Variants in EXOSC2 observed in about 807,000 individuals in gnomAD.
The protein encoded by EXOSC2 is exosome component 2, also known as exosome complex component RRP4.
EXOSC2 carries 29 observed loss-of-function variants against 37.6 expected under a neutral mutation model. The observed-to-expected ratio is 0.77, with a 90% CI of 0.57 to 1.05. EXOSC2 has a LOEUF of 1.05. EXOSC2 is among the 50% of genes least tolerant of loss of function. The probability of loss-of-function intolerance (pLI) is 0.00; values close to 1 mark genes in which losing one functional copy is unlikely to be tolerated. For synonymous variants in EXOSC2, 119 were observed against 131.1 expected (o/e 0.91, Z 0.63); for missense variants, 346 against 365.6 (o/e 0.95, Z 0.44).
intron 1 of EXOSC2, 120 bp from the exon 2 acceptor site, chr9:130,695,372 A>T: frequency 1.2e-6 from 1 of 822,920 alleles, no homozygotes; most frequent in Non-Finnish European, 2.1e-6. Flanking sequence ...AGCAGCCAGC[A>T]CAGAAGCCAC....
rs749809807 is a variant in EXOSC2 at position 130,702,237 on chromosome 9, A to G, written c.599A>G (p.Asn200Ser). 1.9e-6 allele frequency: 3 copies of G among 1,614,124 alleles called. No homozygotes were observed. The highest frequency in any genetic ancestry group is 2.5e-6 in the Non-Finnish European group (3 of 1,180,022). Reference sequence around the variant, plus strand: ...GGTGCCTCAGTGATTCTCGGTAACAACGGCTTCATCTGGATTTACCCAACA... The same window carrying G: ...GGTGCCTCAGTGATTCTCGGTAACAGCGGCTTCATCTGGATTTACCCAACA... ...PCGASVILGNNGFIWIYPTPE... is the reference protein window; with the variant it reads ...PCGASVILGNSGFIWIYPTPE... Residue 200 changes from asparagine to serine, a missense_variant, in exon 7 of 9, where the codon AAC becomes AGC. Physicochemically the swap from Asn to Ser is conservative, Grantham distance 46. Coordinates refer to ENST00000372358, the MANE Select transcript of EXOSC2 (RefSeq NM_014285.7).
chr9:130,704,286 TAGGG>T lies in EXOSC2; in HGVS notation c.*516_*519del, dbSNP rs1449870707. ...GGCTCACGCCTATAATCCCAGCACTTAGGGAGGCCAAGGCGGGCAGATCACCTGA... is the reference window on the plus strand; with the variant it reads ...GGCTCACGCCTATAATCCCAGCACTTAGGCCAAGGCGGGCAGATCACCTGA... On this transcript the variant is annotated 3_prime_UTR_variant, in exon 9 of 9. Coordinates refer to ENST00000372358, the MANE Select transcript of EXOSC2 (RefSeq NM_014285.7). 6.6e-6 allele frequency: 1 copy of T among 152,206 alleles called. No individual in the cohort carries two copies. Among genetic ancestry groups the T allele is most frequent in the Non-Finnish European group, 1.5e-5 (1 of 68,108 alleles). The allele number at this position is 152,206 out of a possible 1,614,324, so 9.4% of individuals were successfully genotyped here.
intron 2 of EXOSC2, among the ~76,000 whole-genome samples, chr9:130,696,423 G>A (rs780172022): frequency 5.3e-5 from 8 of 152,110 alleles, no homozygotes; most frequent in Non-Finnish European, 7.4e-5. Context: ...GAGCAGAGGA[G>A]GGACTTGATC....
intron 6 of EXOSC2, 31 bp from the exon 7 acceptor site, chr9:130,702,103 A>G (rs1831228476): frequency 6.2e-7 from 1 of 1,604,870 alleles, no homozygotes; most frequent in Admixed American, 1.7e-5. Context: ...CCAATCTTGC[A>G]GTGACCTAGC....
chr9:130,699,267 G>T, intron 4 of EXOSC2, 62 bp from the exon 5 acceptor site: 8 of 1,521,812 alleles, frequency 5.3e-6, no homozygotes, highest in Non-Finnish European at 7.3e-6. Context: ...AAGTGAAAGA[G>T]AAGTGATGGA....
Position 130,701,653 on chromosome 9 carries a change from G to A in EXOSC2, c.496-481G>A, listed in dbSNP as rs563113754. ...CCTGCGGACTCTTCCTTGGCAGGAC[G>A]TGGACTTGAGCTGTCCTGCCAGGAC... On this transcript the variant is annotated intron_variant, in intron 6 of 8. Coordinates refer to ENST00000372358, the MANE Select transcript of EXOSC2 (RefSeq NM_014285.7). 16 of 970,960 alleles carry A rather than the reference G, an allele frequency of 1.6e-5. No individual in the cohort carries two copies. The African/African-American group carries it at 2.5e-4, about 15-fold the overall frequency. 60.1% of individuals were successfully genotyped at this position (970,960 alleles called of 1,614,324 possible).
At chr9:130,700,520 C>T (rs1831193121) in intron 5 of EXOSC2, among the ~76,000 whole-genome samples, 1 of 150,288 alleles carries the variant, frequency 6.7e-6, no homozygotes, top group African/African-American at 2.5e-5. Context: ...CCACTATGCC[C>T]GACTAATTTT....
Position 130,701,725 on chromosome 9 carries a change from G to A in EXOSC2, c.496-409G>A, listed in dbSNP as rs898229551. The A allele has an allele frequency of 3.6e-6, 3 of 835,022 alleles. No individual in the cohort carries two copies. The African/African-American group carries it at 5.5e-5, about 15-fold the overall frequency. 51.7% of individuals were successfully genotyped at this position (835,022 alleles called of 1,614,324 possible). A position where few individuals can be genotyped will look rare whatever the true frequency, so the allele number is the denominator to read the frequency against. ...CTCCACCCATCTCCTTACCTACCCAGAGGCACACATCTCACAGGCAAGATG... is the reference window on the plus strand; with the variant it reads ...CTCCACCCATCTCCTTACCTACCCAAAGGCACACATCTCACAGGCAAGATG... On this transcript the variant is annotated intron_variant, in intron 6 of 8. Transcript: ENST00000372358.
chr9:130,693,821 T>C lies in EXOSC2; in HGVS notation c.30T>C (p.Ala10=), dbSNP rs758468229. Reference sequence around the variant, plus strand: ...CGATGGAGATGAGGCTTCCAGTGGCTCGCAAGCCTCTTAGCGAGAGACTGG... The same window carrying C: ...CGATGGAGATGAGGCTTCCAGTGGCCCGCAAGCCTCTTAGCGAGAGACTGG... MAMEMRLPV[A]RKPLSERLGR... is the part of the protein sequence containing the mutation. The change falls in exon 1 of 9, where the codon GCT becomes GCC. Residue 10 remains alanine (A), a synonymous_variant. Transcript: ENST00000372358. 4 of 1,608,314 alleles carry C rather than the reference T, an allele frequency of 2.5e-6. No homozygotes were observed. In the South Asian group the frequency reaches 4.4e-5, roughly 18 times the overall value.
At chr9:130,697,114 C>T (rs1455524990) in intron 2 of EXOSC2, among the ~76,000 whole-genome samples, 1 of 152,134 alleles carries the variant, frequency 6.6e-6, no homozygotes, top group Non-Finnish European at 1.5e-5. Flanking sequence ...GACTTAGCCT[C>T]AGCACTGAGT....
intron 5 of EXOSC2, among the ~76,000 whole-genome samples, chr9:130,699,977 A>T (rs1424464425): frequency 2.6e-5 from 4 of 152,190 alleles, no homozygotes; most frequent in Admixed American, 6.5e-5. Context: ...ACTGCATTCC[A>T]GCTTGGGTGA....
In EXOSC2 at chr9:130,698,491, CAG is replaced by C. The variant is rs1216293695; in HGVS notation, c.360+245_360+246del. ...AAACATCCATGGGGTGGGATCCCAA[CAG>C]AGAGTTGGGGAGAGAAGCCCTTAGA... On this transcript the variant is annotated intron_variant, in intron 4 of 8. Coordinates refer to ENST00000372358, the MANE Select transcript of EXOSC2 (RefSeq NM_014285.7). The surrounding 1 kb of genome is among the most constrained non-coding windows in gnomAD (Gnocchi z 4.1). 8.5e-5 allele frequency among the ~76,000 whole-genome samples: 13 copies of C among 152,238 alleles called. No individual in the cohort carries two copies. The highest frequency in any genetic ancestry group is 1.6e-4 in the Non-Finnish European group (11 of 68,036).
At position 130,698,127 on chromosome 9, in the gene EXOSC2, G is replaced by A. The variant is rs777280415; in HGVS notation, c.271-35G>A. On this transcript the variant is annotated intron_variant, in intron 3 of 8. Coordinates refer to ENST00000372358, the MANE Select transcript of EXOSC2 (RefSeq NM_014285.7). This position sits in a 1 kb window ranked among gnomAD's most constrained non-coding sequence, Gnocchi z 4.1. ...TATTTATGATATGACACATGAACAT[G>A]GAGCATGTGTCCAGGTGTGGAACTT... 14 of 1,567,786 alleles carry A rather than the reference G, an allele frequency of 8.9e-6. No individual in the cohort carries two copies. In the Middle Eastern group the frequency reaches 6.7e-4, roughly 75 times the overall value.
chr9:130,703,193 A>T lies in EXOSC2; in HGVS notation c.801+12A>T. ...CCCTTCCACATCAGGTACTCTCCCC[A>T]GGGCCTCTCCCTTCTTCACTGATCT... On this transcript the variant is annotated intron_variant, in intron 8 of 8. Coordinates refer to ENST00000372358, the MANE Select transcript of EXOSC2 (RefSeq NM_014285.7). 6.2e-7 allele frequency: 1 copy of T among 1,603,080 alleles called. No homozygotes were observed. Among genetic ancestry groups the T allele is most frequent in the Non-Finnish European group, 8.5e-7 (1 of 1,172,360 alleles).
rs148687193 is a variant in EXOSC2, at chr9:130,702,293, T to C, written c.655T>C (p.Phe219Leu). ...PEHKEEEAGG[F>L]IANLEPVSLA... ...GCACAAAGAAGAGGAAGCAGGGGGCTTCATTGCAAACCTGGAGGTGAGCAA... is the reference window on the plus strand; with the variant it reads ...GCACAAAGAAGAGGAAGCAGGGGGCCTCATTGCAAACCTGGAGGTGAGCAA... Residue 219 changes from phenylalanine to leucine, a missense_variant, in exon 7 of 9, where the codon TTC (phenylalanine) becomes CTC (leucine). Transcript: ENST00000372358. 1.3e-5 allele frequency: 21 copies of C among 1,613,812 alleles called. No individual in the cohort carries two copies. The African/African-American group carries it at 2.8e-4, about 22-fold the overall frequency.
intron 5 of EXOSC2, 23 bp from the exon 6 acceptor site, chr9:130,700,844 T>A: frequency 6.2e-7 from 1 of 1,613,472 alleles, no homozygotes; most frequent in Non-Finnish European, 8.5e-7. Flanking sequence ...GGCTGCTGTT[T>A]GTTCCTTCAT....
intron 7 of EXOSC2, 31 bp downstream of exon 7, chr9:130,702,341 G>A: frequency 1.3e-6 from 2 of 1,582,348 alleles, no homozygotes; most frequent in Non-Finnish European, 1.7e-6. Context: ...TTTTCAGTGG[G>A]ATGGAGGGGG....
Position 130,694,082 on chromosome 9 carries a change from A to G in EXOSC2, c.122+169A>G, listed in dbSNP as rs572550164. Among the ~76,000 whole-genome samples, 3 of 151,776 alleles carry G rather than the reference A, an allele frequency of 2.0e-5. No homozygotes were observed. The East Asian group carries it at 5.8e-4, about 30-fold the overall frequency. On this transcript the variant is annotated intron_variant, in intron 1 of 8. Transcript: ENST00000372358. The surrounding 1 kb of genome is among the most constrained non-coding windows in gnomAD (Gnocchi z 4.0). The stretch of plus-strand genomic sequence containing the variant: ...GAGCCTCGTGCTTCTTGCTCCCTGC[A>G]TCTTGTGTGTCCCCGTCTGCATTTG...
chr9:130,699,287 G>T, intron 4 of EXOSC2, 42 bp from the exon 5 acceptor site: 1 of 1,599,492 alleles, frequency 6.3e-7, no homozygotes, highest in South Asian at 1.1e-5. Flanking sequence ...AGACCTTTCT[G>T]AGGATCTGGC....
Sources: allele counts gnomAD v4.1 joint callset (sites outside exome capture counted in the v4.1 genomes callset), GRCh38; gene constraint gnomAD v4.1.1; non-coding constraint Gnocchi (gnomAD v3.1); transcripts MANE v1.5; gene names NCBI Gene and HGNC (gene_info 2026-07-23, HGNC 2026-07-21).